KIAA1614: variants seen among roughly 807,000 people sequenced by gnomAD.
The protein encoded by KIAA1614 is uncharacterized protein KIAA1614.
Under a neutral mutation model 88.7 loss-of-function variants are expected in KIAA1614, and 76 were observed. That is an observed-to-expected ratio of 0.86 (90% CI 0.71 to 1.04). The LOEUF (loss-of-function observed/expected upper bound fraction) is 1.04. Among genes scored for constraint, KIAA1614 ranks in the 50% least tolerant of loss-of-function variants. The pLI is 0.00. For synonymous variants in KIAA1614, 714 were observed against 675.5 expected, an observed-to-expected ratio of 1.06 and a Z score of -0.88; for missense variants, 1,553 against 1,582.5, an observed-to-expected ratio of 0.98 and a Z score of 0.32.
chr1:180,932,717 TTTTG>T (rs1654225203), intron 4 of KIAA1614, among the ~76,000 whole-genome samples: 2 of 152,100 alleles, frequency 1.3e-5, no homozygotes, highest in East Asian at 1.9e-4. Context: ...TTTTTTTTGG[TTTTG>T]TTTTTGTTTG....
chr1:180,944,262 G>C (rs1054912839), intron 7 of KIAA1614, 127 bp from the exon 8 acceptor site: 3 of 911,986 alleles, frequency 3.3e-6, no homozygotes, highest in African/African-American at 3.3e-5. Context: ...TGAATTCTTG[G>C]AAGCAATGAT....
chr1:180,920,111 A>G lies in KIAA1614; in HGVS notation c.1061+2197A>G, dbSNP rs1034323569. On this transcript the variant is annotated intron_variant, in intron 3 of 8. Coordinates refer to ENST00000367588, the MANE Select transcript of KIAA1614 (RefSeq NM_020950.2). ...CTGCAGTGAGGTCCCTGCTGAGTAGACGCCCAGGCTATAGGGCCATGTCTT... is the reference window on the plus strand; with the variant it reads ...CTGCAGTGAGGTCCCTGCTGAGTAGGCGCCCAGGCTATAGGGCCATGTCTT... Among the ~76,000 whole-genome samples, 6 of 152,142 alleles carry G rather than the reference A, an allele frequency of 3.9e-5. No homozygotes were observed. The East Asian group carries it at 1.2e-3, about 29-fold the overall frequency.
chr1:180,923,572 C>A (rs1653999818), intron 3 of KIAA1614, among the ~76,000 whole-genome samples: 1 of 152,226 alleles, frequency 6.6e-6, no homozygotes, highest in Admixed American at 6.5e-5. Context: ...CGGCTGCAGC[C>A]ATAGCTGGCA....
chr1:180,915,094 G>A (rs750314902), intron 1 of KIAA1614, among the ~76,000 whole-genome samples: 9 of 152,236 alleles, frequency 5.9e-5, no homozygotes, highest in Admixed American at 2.6e-4. Flanking sequence ...GTGAGCCACC[G>A]CTCCTGGTCA....
chr1:180,948,302 G>A lies in KIAA1614; in HGVS notation c.*2714G>A, dbSNP rs1023232508. 1.3e-5 allele frequency: 2 copies of A among 152,190 alleles called. No individual in the cohort carries two copies. Among genetic ancestry groups the A allele is most frequent in the African/African-American group, 4.8e-5 (2 of 41,468 alleles). 9.4% of individuals were successfully genotyped at this position (152,190 alleles called of 1,614,324 possible). A position where few individuals can be genotyped will look rare whatever the true frequency, so the allele number is the denominator to read the frequency against. ...CTTGCGCCCCGCACTGAACCGGCAGGATGCTGGTATTAACTTGCTGGCTTT... is the reference window on the plus strand; with the variant it reads ...CTTGCGCCCCGCACTGAACCGGCAGAATGCTGGTATTAACTTGCTGGCTTT... On this transcript the variant is annotated 3_prime_UTR_variant, in exon 9 of 9. Transcript: ENST00000367588.
Position 180,916,182 on chromosome 1 carries a change from A to C in KIAA1614, c.79A>C (p.Ser27Arg). 1 of 1,583,300 alleles carries C rather than the reference A, an allele frequency of 6.3e-7. No homozygotes were observed. ...GCCCAAGACAGGGAGTGGAACAGCC[A>C]GCCCCGTGGAGGGGACCTCAGCTGT... ...QGPKTGSGTA[S>R]PVEGTSAVEW... The change falls in exon 2 of 9, where the codon AGC (serine) becomes CGC (arginine). Residue 27 changes from serine (S) to arginine (R), a missense_variant. Physicochemically the swap from Ser to Arg is moderately radical, Grantham distance 110 (BLOSUM62 -1). Transcript: ENST00000367588.
chr1:180,951,090 G>T lies in KIAA1614; in HGVS notation c.*5502G>T, dbSNP rs10753229. 0.19 allele frequency: 29,398 copies of T among 152,254 alleles called. 3,480 individuals carry two copies. Among genetic ancestry groups the T allele is most frequent in the Middle Eastern group, 0.27 (80 of 294 alleles). 9.4% of individuals were successfully genotyped at this position (152,254 alleles called of 1,614,324 possible). A position where few individuals can be genotyped will look rare whatever the true frequency, so the allele number is the denominator to read the frequency against. On this transcript the variant is annotated 3_prime_UTR_variant, in exon 9 of 9. Transcript: ENST00000367588. ...ATATATGCCAAACCAAAATCAGAAC[G>T]TGTGGTCTGGCAGGAGTTTTATGCC... is the stretch of plus-strand genomic sequence containing the variant.
chr1:180,944,163 A>C, intron 7 of KIAA1614: 1 of 353,876 alleles, frequency 2.8e-6, no homozygotes, highest in South Asian at 4.2e-5. Context: ...TTGTTATTTC[A>C]GCTAAAAAGC....
chr1:180,945,297 T>C lies in KIAA1614; in HGVS notation c.3288-6T>C. 6.3e-7 allele frequency: 1 copy of C among 1,579,012 alleles called. No homozygotes were observed. Among genetic ancestry groups the C allele is most frequent in the Non-Finnish European group, 8.5e-7 (1 of 1,170,682 alleles). On this transcript the variant is annotated splice_polypyrimidine_tract_variant and splice_region_variant and intron_variant, in intron 8 of 8. Transcript: ENST00000367588. Reference sequence around the variant, plus strand: ...TGCCCTCACTGTGTCTCTGGTTCCCTCGCAGGCCGGCCAAGACTTCACCAC... The same window carrying C: ...TGCCCTCACTGTGTCTCTGGTTCCCCCGCAGGCCGGCCAAGACTTCACCAC...
At chr1:180,934,615 T>C (rs1654275002) in intron 4 of KIAA1614, among the ~76,000 whole-genome samples, 1 of 152,154 alleles carries the variant, frequency 6.6e-6, no homozygotes, top group Non-Finnish European at 1.5e-5. Flanking sequence ...AAAGAATCTC[T>C]GACTTCAGTT....
chr1:180,915,195 G>A (rs1024526013), intron 1 of KIAA1614, among the ~76,000 whole-genome samples: 2 of 152,188 alleles, frequency 1.3e-5, no homozygotes, highest in African/African-American at 4.8e-5. Flanking sequence ...ATGCCTAATC[G>A]GCGTTCCTGA....
rs1222614603 is a variant in KIAA1614 at position 180,916,616 on chromosome 1, G to A, written c.513G>A (p.Arg171=). 4 of 1,601,900 alleles carry A rather than the reference G, an allele frequency of 2.5e-6. No homozygotes were observed. Among genetic ancestry groups the A allele is most frequent in the Non-Finnish European group, 3.4e-6 (4 of 1,173,246 alleles). ...GGGATGGAGGCCCCAGGCTTCCCAG[G>A]CCGCCTGCCCCTGGACGTGAGTACT... ...PARDGGPRLP[R]PPAPGREYCN... Residue 171 remains arginine, a synonymous_variant, in exon 2 of 9, where the codon AGG becomes AGA. Coordinates refer to ENST00000367588, the MANE Select transcript of KIAA1614 (RefSeq NM_020950.2).
chr1:180,926,847 C>G (rs1654081203), intron 3 of KIAA1614, among the ~76,000 whole-genome samples: 1 of 152,232 alleles, frequency 6.6e-6, no homozygotes, highest in South Asian at 2.1e-4. Flanking sequence ...GGAGGCCTCT[C>G]CTGCCAAAGG....
chr1:180,924,709 G>A (rs954070492), intron 3 of KIAA1614, among the ~76,000 whole-genome samples: 6 of 152,018 alleles, frequency 3.9e-5, no homozygotes, highest in Non-Finnish European at 8.8e-5. Flanking sequence ...AAAGTCCAGA[G>A]CAAAGCCACC....
chr1:180,937,514 C>CA (rs1654360952), intron 5 of KIAA1614, among the ~76,000 whole-genome samples: 1 of 152,182 alleles, frequency 6.6e-6, no homozygotes, highest in African/African-American at 2.4e-5. Context: ...GTTGTGATCC[C>CA]AGGTGACCAA....
chr1:180,949,882 C>T lies in KIAA1614; in HGVS notation c.*4294C>T, dbSNP rs960449684. On this transcript the variant is annotated 3_prime_UTR_variant, in exon 9 of 9. Transcript: ENST00000367588. The stretch of plus-strand genomic sequence containing the variant: ...CGATGATACCTTCCCACCACCCCGG[C>T]CTTTACGCTGGGCCTGGGTGACCTG... The T allele has an allele frequency of 6.6e-6, 1 of 152,260 alleles. No homozygotes were observed. The highest frequency in any genetic ancestry group is 1.5e-5 in the Non-Finnish European group (1 of 68,068). 9.4% of individuals were successfully genotyped at this position (152,260 alleles called of 1,614,324 possible).
At chr1:180,920,584 A>G (rs140947899) in intron 3 of KIAA1614, among the ~76,000 whole-genome samples, 142 of 152,346 alleles carry the variant, frequency 9.3e-4, no homozygotes, top group Non-Finnish European at 1.6e-3. Flanking sequence ...TCAAATAACC[A>G]TTACAACCAA....
At chr1:180,920,875 A>C (rs981144864) in intron 3 of KIAA1614, among the ~76,000 whole-genome samples, 2 of 152,240 alleles carry the variant, frequency 1.3e-5, no homozygotes, top group Non-Finnish European at 2.9e-5. Flanking sequence ...GGGCAAGAGA[A>C]GGCTCAGTTG....
At chr1:180,923,317 C>A (rs1195992489) in intron 3 of KIAA1614, among the ~76,000 whole-genome samples, 1 of 152,192 alleles carries the variant, frequency 6.6e-6, no homozygotes, top group Non-Finnish European at 1.5e-5. Context: ...TGGTGACCAG[C>A]CCACATCCTG....
Sources: allele counts gnomAD v4.1 joint callset (sites outside exome capture counted in the v4.1 genomes callset), GRCh38; gene constraint gnomAD v4.1.1; transcripts MANE v1.5; gene names NCBI Gene and HGNC (gene_info 2026-07-23, HGNC 2026-07-21).